The following XPO1 variants were observed in gnomAD, a reference collection of about 807,000 sequenced individuals.
The protein encoded by XPO1 is exportin 1, also known as exportin-1.
XPO1 carries 5 observed loss-of-function variants against 133.3 expected under a neutral mutation model. That is an observed-to-expected ratio of 0.04 (90% confidence interval 0.02 to 0.08). The LOEUF is 0.08. Ranked by LOEUF, XPO1 falls within the 10% of genes least tolerant of loss-of-function variation. The pLI, the probability that XPO1 is intolerant of heterozygous loss-of-function variation, is 1.00. For synonymous variants in XPO1, 419 were observed against 408.2 expected (o/e 1.03, Z -0.32); for missense variants, 506 against 1,267.5 (o/e 0.40, Z 9.12).
rs1699429683 is a variant in XPO1, at chr2:61,537,984, CA to C, written c.-430del. 6.2e-6 allele frequency: 1 copy of C among 160,122 alleles called. No homozygotes were observed. Among genetic ancestry groups the C allele is most frequent in the African/African-American group, 2.4e-5 (1 of 40,920 alleles). The allele number at this position is 160,122 out of a possible 1,614,324, so 9.9% of individuals were successfully genotyped here. The stretch of plus-strand genomic sequence containing the variant: ...CGGGGAGACGCTCTGCTGCCAGTTG[CA>C]GTCCGACTCCCCCCTACCAAAACAC... On this transcript the variant is annotated 5_prime_UTR_variant, in exon 1 of 25. Transcript: ENST00000401558.
intron 4 of XPO1, among the ~76,000 whole-genome samples, chr2:61,511,325 C>T (rs1698088057): frequency 6.6e-6 from 1 of 152,134 alleles, no homozygotes; most frequent in South Asian, 2.1e-4. Flanking sequence ...TGGGGTTTCA[C>T]CATGTTGGTC....
chr2:61,532,068 C>T (rs1699178054), intron 2 of XPO1, among the ~76,000 whole-genome samples: 1 of 152,066 alleles, frequency 6.6e-6, no homozygotes, highest in African/African-American at 2.4e-5. Flanking sequence ...CTGTATCCAC[C>T]TTATATATTT....
intron 4 of XPO1, 197 bp from the exon 5 acceptor site, chr2:61,502,507 CTT>C (rs1697579902): frequency 2.3e-5 from 11 of 480,470 alleles, no homozygotes; most frequent in Middle Eastern, 5.8e-4. Context: ...CCCAGCAATT[CTT>C]TGGGAGGCTG....
intron 4 of XPO1, among the ~76,000 whole-genome samples, chr2:61,518,319 G>C (rs570801254): frequency 6.6e-6 from 1 of 151,612 alleles, no homozygotes. Context: ...TTGGGAGGCC[G>C]AGGCAGGCGG....
intron 23 of XPO1, among the ~76,000 whole-genome samples, chr2:61,481,889 C>T (rs1696378352): frequency 6.6e-6 from 1 of 152,038 alleles, no homozygotes; most frequent in African/African-American, 2.4e-5. Flanking sequence ...GCACCCACCA[C>T]CATGCCCAAC....
chr2:61,525,122 G>A (rs1239828270), intron 3 of XPO1: 1 of 245,716 alleles, frequency 4.1e-6, no homozygotes, highest in Non-Finnish European at 6.5e-6. Context: ...AAAAATAAAT[G>A]CATGAAATGA....
At chr2:61,499,392 A>C (rs1697394665) in intron 7 of XPO1, among the ~76,000 whole-genome samples, 1 of 152,192 alleles carries the variant, frequency 6.6e-6, no homozygotes, top group Non-Finnish European at 1.5e-5. Flanking sequence ...CACCCCAGGC[A>C]ATAGAGCAAG....
intron 7 of XPO1, 148 bp from the exon 8 acceptor site, chr2:61,499,061 T>C (rs1472958721): frequency 3.3e-6 from 3 of 910,640 alleles, no homozygotes; most frequent in Non-Finnish European, 4.8e-6. Flanking sequence ...GCAGAAGGAT[T>C]GTTTGAGACC....
chr2:61,526,171 A>G, intron 3 of XPO1: 1 of 1,293,362 alleles, frequency 7.7e-7, no homozygotes, highest in African/African-American at 1.5e-5. Flanking sequence ...ACATATACTA[A>G]AAAGAAAAAA....
chr2:61,515,934 A>ACC (rs1460061228), intron 4 of XPO1, among the ~76,000 whole-genome samples: 7 of 118,398 alleles, frequency 5.9e-5, no homozygotes, highest in African/African-American at 2.5e-4. Context: ...AAAAAAAAAA[A>ACC]AACCACACAC....
intron 4 of XPO1, among the ~76,000 whole-genome samples, chr2:61,504,660 T>C (rs747984583): frequency 1.7e-4 from 26 of 152,284 alleles, no homozygotes; most frequent in Non-Finnish European, 3.1e-4. Flanking sequence ...AAATAAAAAA[T>C]TTAGTCATTA....
intron 4 of XPO1, among the ~76,000 whole-genome samples, chr2:61,516,812 C>T (rs1056906480): frequency 2.0e-5 from 3 of 152,138 alleles, no homozygotes; most frequent in Non-Finnish European, 2.9e-5. Context: ...ACAGAAATAC[C>T]TTTATATAGC....
At chr2:61,495,697 C>T (rs1423289338) in intron 10 of XPO1, 84 bp from the exon 11 acceptor site, 4 of 1,336,808 alleles carry the variant, frequency 3.0e-6, no homozygotes, top group Non-Finnish European at 3.0e-6. Flanking sequence ...TTTTTTGAGA[C>T]AAGGTATCAC....
chr2:61,497,457 C>G (rs1227185229), intron 9 of XPO1, among the ~76,000 whole-genome samples: 3 of 152,186 alleles, frequency 2.0e-5, no homozygotes, highest in Non-Finnish European at 2.9e-5. Flanking sequence ...GTGATCCGCT[C>G]ACCTCGACCT....
intron 7 of XPO1, 147 bp from the exon 8 acceptor site, chr2:61,499,060 T>C (rs1037643425): frequency 3.9e-5 from 37 of 936,784 alleles, no homozygotes; most frequent in Non-Finnish European, 5.4e-5. Flanking sequence ...GGCAGAAGGA[T>C]TGTTTGAGAC....
intron 4 of XPO1, among the ~76,000 whole-genome samples, chr2:61,512,568 C>G (rs1015139464): frequency 1.3e-5 from 2 of 152,162 alleles, no homozygotes; most frequent in Non-Finnish European, 2.9e-5. Flanking sequence ...TGGCAATTCT[C>G]TATATTAGCA....
At chr2:61,496,171 A>C (rs1319341358) in intron 10 of XPO1, among the ~76,000 whole-genome samples, 4 of 152,148 alleles carry the variant, frequency 2.6e-5, no homozygotes, top group Admixed American at 6.5e-5. Context: ...AAAAATAATC[A>C]ATTCATTCAT....
chr2:61,501,322 T>C (rs564895923), intron 6 of XPO1, among the ~76,000 whole-genome samples: 13 of 152,160 alleles, frequency 8.5e-5, no homozygotes, highest in Middle Eastern at 3.4e-3. Context: ...TTAGTCTACA[T>C]AGACAGTTTA....
At chr2:61,502,222 C>T in intron 5 of XPO1, 27 bp downstream of exon 5, 5 of 1,606,658 alleles carry the variant, frequency 3.1e-6, no homozygotes, top group Non-Finnish European at 4.2e-6. Context: ...TTATGCTCTC[C>T]CAATAAGCTC....
Sources: allele counts gnomAD v4.1 joint callset (sites outside exome capture counted in the v4.1 genomes callset), GRCh38; gene constraint gnomAD v4.1.1; transcripts MANE v1.5; gene names NCBI Gene and HGNC (gene_info 2026-07-23, HGNC 2026-07-21).